Variants in UBN1 observed in about 807,000 individuals in gnomAD.
UBN1 encodes the protein ubinuclein-1.
In UBN1, 17 loss-of-function variants were observed where a neutral mutation model predicts 108.5. The ratio of observed to expected loss-of-function variants is 0.16; its 90% confidence interval spans 0.11 to 0.24. UBN1 has a LOEUF of 0.24. Ranked by LOEUF, UBN1 falls within the 10% of genes least tolerant of loss-of-function variation. The pLI is 1.00. For synonymous variants in UBN1, 726 were observed against 564.2 expected, an observed-to-expected ratio of 1.29 and a Z score of -4.07; for missense variants, 1,595 against 1,394.4, an observed-to-expected ratio of 1.14 and a Z score of -2.29.
chr16:4,875,062 C>T lies in UBN1; in HGVS notation c.2652C>T (p.Ser884=), dbSNP rs1335790552. 6.2e-7 allele frequency: 1 copy of T among 1,613,968 alleles called. No homozygotes were observed. The highest frequency in any genetic ancestry group is 1.1e-5 in the South Asian group (1 of 91,088). ...KTPASSSSAL[S]HPAKPHSVSS... is the part of the protein sequence containing the mutation. ...CAGCCTCGTCCTCTTCTGCCCTGAG[C>T]CATCCAGCAAAGCCACATTCAGTCA... The change falls in exon 15 of 18, where the codon AGC becomes AGT. Residue 884 remains serine (S), a synonymous_variant. Transcript: ENST00000262376.
rs969748530 is a variant in UBN1, at chr16:4,877,768, A to G, written c.3355+294A>G. On this transcript the variant is annotated intron_variant, in intron 17 of 17. Coordinates refer to ENST00000262376, the MANE Select transcript of UBN1 (RefSeq NM_001079514.3). This position sits in a 1 kb window ranked among gnomAD's most constrained non-coding sequence, Gnocchi z 4.3. ...TTTTGTGTGCGGTGGAGGAGTTCCT[A>G]ACCCTCGGCTTGTTTTTTTCTCTTC... 1.8e-5 allele frequency: 21 copies of G among 1,140,230 alleles called. No individual in the cohort carries two copies. Among genetic ancestry groups the G allele is most frequent in the Middle Eastern group, 3.6e-4 (1 of 2,812 alleles). 70.6% of individuals were successfully genotyped at this position (1,140,230 alleles called of 1,614,324 possible). A position where few individuals can be genotyped will look rare whatever the true frequency, so the allele number is the denominator to read the frequency against.
In UBN1 at chr16:4,853,030, G is replaced by T; in HGVS notation, c.113G>T (p.Cys38Phe). The T allele has an allele frequency of 6.2e-7, 1 of 1,614,232 alleles. No homozygotes were observed. Among genetic ancestry groups the T allele is most frequent in the East Asian group, 2.2e-5 (1 of 44,888 alleles). Reference protein sequence around the residue: ...EAGAGEQHQDCEPAAAAVRIT... With the variant: ...EAGAGEQHQDFEPAAAAVRIT... ...GGGGCAGGAGAACAGCATCAGGACT[G>T]TGAGCCGGCTGCAGCAGCTGTTCGG... The change falls in exon 2 of 18, where the codon TGT (cysteine) becomes TTT (phenylalanine). Residue 38 changes from cysteine (C) to phenylalanine (F), a missense_variant. Coordinates refer to ENST00000262376, the MANE Select transcript of UBN1 (RefSeq NM_001079514.3).
intron 1 of UBN1, among the ~76,000 whole-genome samples, chr16:4,849,041 C>T (rs1312574064): frequency 6.6e-6 from 1 of 152,012 alleles, no homozygotes; most frequent in Admixed American, 6.6e-5. Context: ...CGGAGGTTGC[C>T]GTGAGCCGAG....
In UBN1 at chr16:4,880,146, A is replaced by C. The variant is rs2088035612; in HGVS notation, c.*14A>C. 1 of 1,613,948 alleles carries C rather than the reference A, an allele frequency of 6.2e-7. No homozygotes were observed. Among genetic ancestry groups the C allele is most frequent in the South Asian group, 1.1e-5 (1 of 91,046 alleles). ...CGGAAATTGTGACCGCTTCAGAGGC[A>C]AGGCTTGCCACTTGGGTCTGGGTGG... On this transcript the variant is annotated 3_prime_UTR_variant, in exon 18 of 18. Transcript: ENST00000262376.
intron 1 of UBN1, among the ~76,000 whole-genome samples, chr16:4,848,908 C>T (rs775918416): frequency 2.0e-5 from 3 of 152,134 alleles, no homozygotes; most frequent in Non-Finnish European, 4.4e-5. Context: ...CGAGACCAGC[C>T]TGGCCAACAC....
At chr16:4,869,100 C>T (rs866555733) in intron 8 of UBN1, among the ~76,000 whole-genome samples, 197 bp downstream of exon 8, 1 of 152,204 alleles carries the variant, frequency 6.6e-6, no homozygotes, top group Admixed American at 6.5e-5. Flanking sequence ...ACACCAAGTA[C>T]TTGTCTCCAG....
intron 7 of UBN1, among the ~76,000 whole-genome samples, chr16:4,861,518 T>A (rs1349048129): frequency 1.3e-5 from 2 of 152,254 alleles, no homozygotes; most frequent in African/African-American, 4.8e-5. Flanking sequence ...GTAGAGTAGA[T>A]GCTTCGTTGC....
intron 2 of UBN1, among the ~76,000 whole-genome samples, chr16:4,855,305 T>G (rs2086750712): frequency 6.6e-6 from 1 of 152,074 alleles, no homozygotes; most frequent in African/African-American, 2.4e-5. Context: ...AATCTTTTTT[T>G]CCTGAGATTA....
At chr16:4,871,014 G>A in intron 11 of UBN1, 42 bp downstream of exon 11, 5 of 1,611,938 alleles carry the variant, frequency 3.1e-6, no homozygotes, top group Non-Finnish European at 4.2e-6. Flanking sequence ...AGGGTTGGTG[G>A]GGCAGTGTCT....
rs1484271244 is a variant in UBN1 at position 4,881,911 on chromosome 16, G to C, written c.*1779G>C. 6.6e-6 allele frequency: 1 copy of C among 152,186 alleles called. No homozygotes were observed. Among genetic ancestry groups the C allele is most frequent in the East Asian group, 1.9e-4 (1 of 5,150 alleles). The allele number at this position is 152,186 out of a possible 1,614,324, so 9.4% of individuals were successfully genotyped here. A position where few individuals can be genotyped will look rare whatever the true frequency, so the allele number is the denominator to read the frequency against. ...AGGCTTCTCTGCCCATAAACACCCG[G>C]GTCCCAGGCCCTCCTTCCTTTCCCT... On this transcript the variant is annotated 3_prime_UTR_variant, in exon 18 of 18. Coordinates refer to ENST00000262376, the MANE Select transcript of UBN1 (RefSeq NM_001079514.3).
intron 2 of UBN1, 27 bp from the exon 3 acceptor site, chr16:4,857,963 A>AT (rs1567898099): frequency 6.5e-7 from 1 of 1,539,260 alleles, no homozygotes; most frequent in Admixed American, 1.8e-5. Flanking sequence ...TTTCTGACTT[A>AT]TTTTTTGTGG....
chr16:4,867,327 G>T (rs1163314075), intron 7 of UBN1, among the ~76,000 whole-genome samples: 2 of 152,218 alleles, frequency 1.3e-5, no homozygotes, highest in African/African-American at 2.4e-5. Context: ...TTAACTGCGT[G>T]GATCCACTTA....
At chr16:4,861,574 T>C (rs983042990) in intron 7 of UBN1, among the ~76,000 whole-genome samples, 3 of 152,226 alleles carry the variant, frequency 2.0e-5, no homozygotes, top group Admixed American at 2.0e-4. Context: ...CAGTGTTAGG[T>C]AGTGATTACA....
chr16:4,870,689 C>T (rs1243810004), intron 10 of UBN1, 55 bp downstream of exon 10: 5 of 1,605,204 alleles, frequency 3.1e-6, no homozygotes, highest in African/African-American at 1.3e-5. Flanking sequence ...CTCTTCCCCT[C>T]CCGTTTCTCG....
rs2086298752 is a variant in UBN1, at chr16:4,848,206, C to T, written c.-44C>T. On this transcript the variant is annotated 5_prime_UTR_variant, in exon 1 of 18. Transcript: ENST00000262376. ...CTGCGGCCCGCGTCGGCGCTGGGGACAAAGGTGCGTGTCGTTGTCGGGTCC... is the reference window on the plus strand; with the variant it reads ...CTGCGGCCCGCGTCGGCGCTGGGGATAAAGGTGCGTGTCGTTGTCGGGTCC... 1 of 152,226 alleles carries T rather than the reference C, an allele frequency of 6.6e-6. No homozygotes were observed. Among genetic ancestry groups the T allele is most frequent in the Non-Finnish European group, 1.5e-5 (1 of 68,050 alleles). The allele number at this position is 152,226 out of a possible 1,614,324, so 9.4% of individuals were successfully genotyped here.
intron 2 of UBN1, among the ~76,000 whole-genome samples, chr16:4,853,791 G>C (rs2086667329): frequency 6.6e-6 from 1 of 151,890 alleles, no homozygotes; most frequent in South Asian, 2.1e-4. Flanking sequence ...CAAACTCCTG[G>C]CCTCAAGTGA....
Position 4,860,758 on chromosome 16 carries a change from A to G in UBN1, c.766A>G (p.Lys256Glu). The G allele has an allele frequency of 6.2e-7, 1 of 1,614,250 alleles. No individual in the cohort carries two copies. The highest frequency in any genetic ancestry group is 1.7e-5 in the Admixed American group (1 of 60,028). ...KEMLKKFQKE[K>E]EAQKKREEEH... ...GATGCTAAAGAAATTTCAGAAAGAGAAAGAGGCTCAGAAAAAAAGGGAGGA... is the reference window on the plus strand; with the variant it reads ...GATGCTAAAGAAATTTCAGAAAGAGGAAGAGGCTCAGAAAAAAAGGGAGGA... Residue 256 changes from lysine to glutamate, a missense_variant, in exon 7 of 18, where the codon AAA (lysine) becomes GAA (glutamate). Coordinates refer to ENST00000262376, the MANE Select transcript of UBN1 (RefSeq NM_001079514.3).
intron 1 of UBN1, among the ~76,000 whole-genome samples, chr16:4,851,695 C>T (rs2086565392): frequency 6.6e-6 from 1 of 151,976 alleles, no homozygotes; most frequent in Admixed American, 6.6e-5. Context: ...TGGGATATAC[C>T]TGTAGTCTCA....
intron 7 of UBN1, 40 bp from the exon 8 acceptor site, chr16:4,868,793 G>C: frequency 6.2e-7 from 1 of 1,606,450 alleles, no homozygotes; most frequent in Non-Finnish European, 8.5e-7. Flanking sequence ...GACATGTGGG[G>C]AAAGTGCACT....
Sources: gnomAD v4.1 joint callset for allele counts (sites outside exome capture counted in the v4.1 genomes callset) on GRCh38, gnomAD v4.1.1 for gene constraint, Gnocchi (gnomAD v3.1) non-coding constraint, MANE v1.5 for transcripts, NCBI Gene and HGNC (gene_info 2026-07-23, HGNC 2026-07-21) for gene names.